Variants in ATP8A2 observed in about 807,000 individuals in gnomAD.
ATP8A2 encodes the protein ATPase phospholipid transporting 8A2, also known as phospholipid-transporting ATPase IB.
In ATP8A2, 100 loss-of-function variants were observed where a neutral mutation model predicts 165.6. The ratio of observed to expected loss-of-function variants is 0.60; its 90% confidence interval spans 0.51 to 0.71. The LOEUF is 0.71. Among genes scored for constraint, ATP8A2 ranks in the 30% least tolerant of loss-of-function variants. The pLI is 0.00. For missense variants in ATP8A2, 1,227 were observed against 1,479.5 expected (o/e 0.83, Z 2.80); for synonymous variants, 543 against 548.8 (o/e 0.99, Z 0.15).
chr13:25,889,523 G>A (rs1953286962), intron 33 of ATP8A2, among the ~76,000 whole-genome samples: 1 of 151,898 alleles, frequency 6.6e-6, no homozygotes, highest in Non-Finnish European at 1.5e-5. Flanking sequence ...CTCTCCTTAA[G>A]AAGCATGATT....
At chr13:25,499,107 C>T (rs142648027) in intron 2 of ATP8A2, among the ~76,000 whole-genome samples, 16 of 152,286 alleles carry the variant, frequency 1.1e-4, no homozygotes, top group Admixed American at 1.3e-4. Context: ...CTCTATCCTG[C>T]GCCAATTGTT....
chr13:25,891,253 A>T (rs936245387), intron 33 of ATP8A2, among the ~76,000 whole-genome samples: 9 of 152,192 alleles, frequency 5.9e-5, no homozygotes, highest in African/African-American at 2.2e-4. Flanking sequence ...CTCGAAAACG[A>T]TCGTGTTGAA....
chr13:25,645,085 C>G (rs2041636004), intron 24 of ATP8A2, among the ~76,000 whole-genome samples: 1 of 152,012 alleles, frequency 6.6e-6, no homozygotes. Flanking sequence ...CGTTTTCATG[C>G]TGTTGATAAA....
At chr13:25,583,788 C>G (rs1016174446) in intron 23 of ATP8A2, among the ~76,000 whole-genome samples, 1 of 152,050 alleles carries the variant, frequency 6.6e-6, no homozygotes, top group African/African-American at 2.4e-5. Flanking sequence ...TGATACCTGT[C>G]CAAACAATTT....
At chr13:25,938,558 G>C (rs552705727) in intron 33 of ATP8A2, among the ~76,000 whole-genome samples, 5 of 151,536 alleles carry the variant, frequency 3.3e-5, no homozygotes, top group African/African-American at 1.2e-4. Flanking sequence ...TGTTTCACCT[G>C]AATTATGGTT....
chr13:25,914,136 T>C (rs1436017832), intron 33 of ATP8A2, among the ~76,000 whole-genome samples: 1 of 152,180 alleles, frequency 6.6e-6, no homozygotes, highest in East Asian at 1.9e-4. Context: ...AGTTCCCTCT[T>C]ATCCATCTCT....
intron 24 of ATP8A2, among the ~76,000 whole-genome samples, chr13:25,636,720 G>C (rs2041377166): frequency 6.6e-6 from 1 of 152,018 alleles, no homozygotes; most frequent in South Asian, 2.1e-4. Context: ...TTATTCCCTA[G>C]TTTTTAGAAG....
At chr13:25,996,480 A>T (rs951710986) in intron 35 of ATP8A2, among the ~76,000 whole-genome samples, 15 of 152,000 alleles carry the variant, frequency 9.9e-5, no homozygotes, top group African/African-American at 3.4e-4. Context: ...ATGTTCCAAG[A>T]TTTCTTCTTT....
At chr13:25,465,244 G>GA (rs2035602835) in intron 1 of ATP8A2, among the ~76,000 whole-genome samples, 1 of 151,924 alleles carries the variant, frequency 6.6e-6, no homozygotes, top group Non-Finnish European at 1.5e-5. Flanking sequence ...AATTTTTTTT[G>GA]AAAATTTTTT....
At chr13:25,747,504 C>T (rs749507142) in intron 25 of ATP8A2, among the ~76,000 whole-genome samples, 1 of 152,140 alleles carries the variant, frequency 6.6e-6, no homozygotes, top group Non-Finnish European at 1.5e-5. Flanking sequence ...CTTCCACATA[C>T]CTGATAACTC....
chr13:26,007,229 T>C (rs566509514), intron 35 of ATP8A2, among the ~76,000 whole-genome samples: 90 of 152,322 alleles, frequency 5.9e-4, no homozygotes, highest in African/African-American at 2.1e-3. Flanking sequence ...TCCAACATTA[T>C]TGTTCATGAG....
intron 23 of ATP8A2, among the ~76,000 whole-genome samples, chr13:25,585,814 A>G (rs2138269185): frequency 6.6e-6 from 1 of 152,238 alleles, no homozygotes; most frequent in East Asian, 1.9e-4. Context: ...TCTCAATCTT[A>G]CTGCTGTTTT....
intron 11 of ATP8A2, among the ~76,000 whole-genome samples, chr13:25,552,607 C>A (rs1036553685): frequency 6.6e-6 from 1 of 152,048 alleles, no homozygotes; most frequent in Non-Finnish European, 1.5e-5. Context: ...TGGAGAACTT[C>A]TTTAGTATTT....
At position 25,765,856 on chromosome 13, in the gene ATP8A2, C is replaced by CA. The variant is rs1204384839; in HGVS notation, c.2385-3182dup. Among the ~76,000 whole-genome samples the CA allele has an allele frequency of 5.6e-4, 85 of 151,918 alleles. 1 individual carries two copies. Among genetic ancestry groups the CA allele is most frequent in the South Asian group, 4.2e-4 (2 of 4,808 alleles). On this transcript the variant is annotated intron_variant, in intron 25 of 36. Coordinates refer to ENST00000381655, the MANE Select transcript of ATP8A2 (RefSeq NM_016529.6). The stretch of plus-strand genomic sequence containing the variant: ...AACAAAAAACCAACAACTTTAACCT[C>CA]AAAAAAAACCCGGGTCTGTTTAGGT...
In ATP8A2 at chr13:25,914,284, G is replaced by T. The variant is rs75308343; in HGVS notation, c.3184-47291G>T. On this transcript the variant is annotated intron_variant, in intron 33 of 36. Coordinates refer to ENST00000381655, the MANE Select transcript of ATP8A2 (RefSeq NM_016529.6). ...CCATGACAATCTGCAATGTGTATGT[G>T]TGTATTAAATATTAATATAAATATC... 2.4e-3 allele frequency among the ~76,000 whole-genome samples: 362 copies of T among 152,170 alleles called. 1 individual carries two copies. Among genetic ancestry groups the T allele is most frequent in the Non-Finnish European group, 4.2e-3 (284 of 68,032 alleles).
At chr13:25,868,644 A>G (rs541404918) in intron 33 of ATP8A2, among the ~76,000 whole-genome samples, 164 of 152,308 alleles carry the variant, frequency 1.1e-3, no homozygotes, top group Non-Finnish European at 1.9e-3. Flanking sequence ...GCAAAGCACA[A>G]TGAGCGAAGT....
chr13:25,462,206 C>T (rs368174688), intron 1 of ATP8A2, among the ~76,000 whole-genome samples: 1 of 152,170 alleles, frequency 6.6e-6, no homozygotes, highest in East Asian at 1.9e-4. Flanking sequence ...GTGTGCAATG[C>T]AGTTCTAACA....
intron 2 of ATP8A2, among the ~76,000 whole-genome samples, chr13:25,527,932 C>T (rs1248657830): frequency 6.6e-6 from 1 of 152,162 alleles, no homozygotes; most frequent in Non-Finnish European, 1.5e-5. Context: ...AGTTTCTACA[C>T]TCTTATTTTA....
intron 33 of ATP8A2, among the ~76,000 whole-genome samples, chr13:25,943,670 C>G (rs1005574741): frequency 6.6e-6 from 1 of 152,200 alleles, no homozygotes; most frequent in Non-Finnish European, 1.5e-5. Context: ...ACCTGTCGAT[C>G]TCTGCCTGTA....
Sources: gnomAD v4.1 joint callset for allele counts (sites outside exome capture counted in the v4.1 genomes callset) on GRCh38, gnomAD v4.1.1 for gene constraint, MANE v1.5 for transcripts, NCBI Gene and HGNC (gene_info 2026-07-23, HGNC 2026-07-21) for gene names.